The following DISP3 variants were observed in gnomAD, a reference collection of about 807,000 sequenced individuals.
The protein encoded by DISP3 is dispatched RND transporter family member 3, also known as protein dispatched homolog 3.
A neutral mutation model predicts 135.3 loss-of-function variants in DISP3; 101 were observed. The ratio of observed to expected loss-of-function variants is 0.75; its 90% confidence interval spans 0.64 to 0.88. DISP3 has a LOEUF of 0.88. DISP3 is among the 40% of genes least tolerant of loss of function. The probability of loss-of-function intolerance (pLI) is 0.00; values close to 1 mark genes in which losing one functional copy is unlikely to be tolerated. For missense variants in DISP3, 1,713 were observed against 1,878.6 expected, an observed-to-expected ratio of 0.91 and a Z score of 1.63; for synonymous variants, 856 against 817.0, an observed-to-expected ratio of 1.05 and a Z score of -0.81.
intron 1 of DISP3, among the ~76,000 whole-genome samples, chr1:11,486,906 T>G (rs1307590029): frequency 6.6e-6 from 1 of 152,192 alleles, no homozygotes; most frequent in Non-Finnish European, 1.5e-5. Context: ...CTTGAACTCC[T>G]GGGCTCAAGT....
At chr1:11,506,432 AT>A (rs1641707700) in intron 3 of DISP3, among the ~76,000 whole-genome samples, 2 of 151,034 alleles carry the variant, frequency 1.3e-5, no homozygotes, top group African/African-American at 4.9e-5. Flanking sequence ...TCTGGGTTTT[AT>A]TTTTTTATTT....
intron 17 of DISP3, chr1:11,533,529 T>G: frequency 2.1e-6 from 1 of 472,134 alleles, no homozygotes; most frequent in Non-Finnish European, 3.8e-6. Flanking sequence ...AGTGCGGGGA[T>G]TATAGGCGTG....
At position 11,519,450 on chromosome 1, in the gene DISP3, C is replaced by G. The variant is rs1303126683; in HGVS notation, c.1985C>G (p.Pro662Arg). The change falls in exon 8 of 21, where the codon CCC becomes CGC. Residue 662 changes from proline to arginine, a missense_variant. Coordinates refer to ENST00000294484, the MANE Select transcript of DISP3 (RefSeq NM_020780.2). The surrounding 1 kb of genome is among the most constrained non-coding windows in gnomAD (Gnocchi z 4.3). Reference protein sequence around the residue: ...EQVGGSPAQGPIPYLDDDIPL... With the variant: ...EQVGGSPAQGRIPYLDDDIPL... The stretch of plus-strand genomic sequence containing the variant: ...GTTGGAGGCAGCCCTGCCCAGGGCC[C>G]CATACCCTACCTGGATGATGACATC... 6.2e-7 allele frequency: 1 copy of G among 1,613,692 alleles called. No individual in the cohort carries two copies. The highest frequency in any genetic ancestry group is 1.3e-5 in the African/African-American group (1 of 74,930).
Position 11,531,038 on chromosome 1 carries a change from G to T in DISP3, c.3229+5G>T, listed in dbSNP as rs752719001. On this transcript the variant is annotated splice_donor_5th_base_variant and intron_variant, in intron 16 of 20. Transcript: ENST00000294484. The surrounding 1 kb of genome is among the most constrained non-coding windows in gnomAD (Gnocchi z 5.2). ...GGGCCCAGTGCCTGCCTTCAGGTGC[G>T]TGGGGTGTGGGGAGCTGGTTCCTCC... 6.2e-7 allele frequency: 1 copy of T among 1,613,098 alleles called. No individual in the cohort carries two copies. Among genetic ancestry groups the T allele is most frequent in the Non-Finnish European group, 8.5e-7 (1 of 1,179,878 alleles).
chr1:11,527,965 C>T (rs1642471332), intron 13 of DISP3, among the ~76,000 whole-genome samples: 1 of 152,162 alleles, frequency 6.6e-6, no homozygotes, highest in African/African-American at 2.4e-5. Context: ...TACCTGTCTT[C>T]CCACAGGAGC....
chr1:11,517,487 C>G lies in DISP3; in HGVS notation c.1774C>G (p.Leu592Val), dbSNP rs1642045967. 12 of 1,614,224 alleles carry G rather than the reference C, an allele frequency of 7.4e-6. No homozygotes were observed. Among genetic ancestry groups the G allele is most frequent in the Non-Finnish European group, 1.0e-5 (12 of 1,180,038 alleles). Residue 592 changes from leucine to valine, a missense_variant, in exon 7 of 21, where the codon CTG becomes GTG. By Grantham distance (32) the Leu-to-Val change is conservative. This residue lies in a region of DISP3 where 1,142 missense variants were observed against 1,384.6 expected (regional missense o/e 0.82). Coordinates refer to ENST00000294484, the MANE Select transcript of DISP3 (RefSeq NM_020780.2). ...GATCCCAGCCGTCCACGACTTTGGCCTGTTCATGTCTCTCATCGTGTCCTG... is the reference window on the plus strand; with the variant it reads ...GATCCCAGCCGTCCACGACTTTGGCGTGTTCATGTCTCTCATCGTGTCCTG... ...SQIPAVHDFG[L>V]FMSLIVSCCW...
At chr1:11,528,978 G>C (rs1021331004) in intron 13 of DISP3, among the ~76,000 whole-genome samples, 5 of 152,204 alleles carry the variant, frequency 3.3e-5, no homozygotes, top group Admixed American at 2.6e-4. Flanking sequence ...GTCCTCCCCT[G>C]AGCCCCAGGC....
chr1:11,503,002 A>C, intron 3 of DISP3, 105 bp downstream of exon 3: 1 of 1,077,368 alleles, frequency 9.3e-7, no homozygotes, highest in South Asian at 1.7e-5. Context: ...TTTCCTTTGG[A>C]AGTCTTTCTT....
At chr1:11,480,299 G>A (rs1011984517) in intron 1 of DISP3, among the ~76,000 whole-genome samples, 1 of 152,086 alleles carries the variant, frequency 6.6e-6, no homozygotes, top group Non-Finnish European at 1.5e-5. Context: ...TAGAAACTCA[G>A]AAGCCCGCGC....
chr1:11,534,344 C>G (rs945760468), intron 17 of DISP3, 37 bp from the exon 18 acceptor site: 3 of 1,613,048 alleles, frequency 1.9e-6, no homozygotes, highest in Non-Finnish European at 1.7e-6. Flanking sequence ...GGGCCACAGT[C>G]CCTGCCTGTC....
chr1:11,512,012 G>A (rs1641868762), intron 3 of DISP3, among the ~76,000 whole-genome samples: 1 of 152,194 alleles, frequency 6.6e-6, no homozygotes, highest in African/African-American at 2.4e-5. Context: ...GCCACAGCTG[G>A]AGCGGCTGGG....
At chr1:11,503,358 A>C (rs1261031126) in intron 3 of DISP3, among the ~76,000 whole-genome samples, 1 of 152,236 alleles carries the variant, frequency 6.6e-6, no homozygotes, top group East Asian at 1.9e-4. Context: ...ATGACATACC[A>C]TCTGCAAGAT....
chr1:11,531,605 G>A lies in DISP3; in HGVS notation c.3270G>A (p.Glu1090=), dbSNP rs1201373127. 6.2e-7 allele frequency: 1 copy of A among 1,613,578 alleles called. No individual in the cohort carries two copies. Among genetic ancestry groups the A allele is most frequent in the South Asian group, 1.1e-5 (1 of 91,074 alleles). The part of the protein sequence containing the change: ...ISSFLQMLHP[E]CKELPEPNLL... ...CCTTCCTGCAGATGTTGCACCCTGA[G>A]TGCAAGGAGCTGCCCGAGCCCAACC... Residue 1090 remains glutamate, a synonymous_variant, in exon 17 of 21, where the codon GAG becomes GAA. Transcript: ENST00000294484. This position sits in a 1 kb window ranked among gnomAD's most constrained non-coding sequence, Gnocchi z 5.2.
At chr1:11,495,807 C>G (rs962213175) in intron 1 of DISP3, among the ~76,000 whole-genome samples, 1 of 152,208 alleles carries the variant, frequency 6.6e-6, no homozygotes, top group South Asian at 2.1e-4. Context: ...TCACTGGGCG[C>G]TGTCCTGCTA....
At chr1:11,523,902 C>A in intron 10 of DISP3, 40 bp from the exon 11 acceptor site, 1 of 1,540,048 alleles carries the variant, frequency 6.5e-7, no homozygotes, top group Non-Finnish European at 9.0e-7. Flanking sequence ...GCCAGGATGT[C>A]CTGCTGTCCT....
Position 11,531,438 on chromosome 1 carries a change from T to G in DISP3, c.3230-127T>G, listed in dbSNP as rs888518323. 12 of 1,354,814 alleles carry G rather than the reference T, an allele frequency of 8.9e-6. No homozygotes were observed. Among genetic ancestry groups the G allele is most frequent in the Non-Finnish European group, 1.1e-5 (11 of 972,274 alleles). The allele number at this position is 1,354,814 out of a possible 1,614,324, so 83.9% of individuals were successfully genotyped here. On this transcript the variant is annotated intron_variant, in intron 16 of 20. Coordinates refer to ENST00000294484, the MANE Select transcript of DISP3 (RefSeq NM_020780.2). The surrounding 1 kb of genome is among the most constrained non-coding windows in gnomAD (Gnocchi z 5.2). ...CAAATGCATGTTGTAGGTTTCCCAA[T>G]GCCGTTGCCAATGGTTACAAGCACT...
At chr1:11,515,894 A>G in intron 5 of DISP3, 107 bp from the exon 6 acceptor site, 1 of 1,304,190 alleles carries the variant, frequency 7.7e-7, no homozygotes, top group Non-Finnish European at 1.1e-6. Context: ...GGACTCCTGC[A>G]GCCTGACCTC....
intron 1 of DISP3, among the ~76,000 whole-genome samples, chr1:11,496,430 G>A (rs537348212): frequency 1.5e-4 from 23 of 152,214 alleles, no homozygotes; most frequent in African/African-American, 5.3e-4. Context: ...CATTCCCAGG[G>A]CCCAGAAAGG....
At position 11,519,545 on chromosome 1, in the gene DISP3, C is replaced by A. The variant is rs750045076; in HGVS notation, c.2038+42C>A. The A allele has an allele frequency of 1.9e-6, 3 of 1,603,240 alleles. No homozygotes were observed. Among genetic ancestry groups the A allele is most frequent in the Non-Finnish European group, 2.6e-6 (3 of 1,173,414 alleles). Reference sequence around the variant, plus strand: ...GCCTGCCCTACTGACCCCAGTGAGACCCAGCGCTGCCTCTGCCAGGGGAGT... The same window carrying A: ...GCCTGCCCTACTGACCCCAGTGAGAACCAGCGCTGCCTCTGCCAGGGGAGT... On this transcript the variant is annotated intron_variant, in intron 8 of 20. Coordinates refer to ENST00000294484, the MANE Select transcript of DISP3 (RefSeq NM_020780.2). This position sits in a 1 kb window ranked among gnomAD's most constrained non-coding sequence, Gnocchi z 4.3.
Sources: gnomAD v4.1 joint callset for allele counts (sites outside exome capture counted in the v4.1 genomes callset) on GRCh38, gnomAD v4.1.1 for gene constraint, gnomAD v4.1.1 regional missense constraint, Gnocchi (gnomAD v3.1) non-coding constraint, MANE v1.5 for transcripts, NCBI Gene and HGNC (gene_info 2026-07-23, HGNC 2026-07-21) for gene names.